The following ZMIZ1 variants were observed in gnomAD, a reference collection of about 807,000 sequenced individuals.
ZMIZ1 encodes the protein zinc finger MIZ domain-containing protein 1.
ZMIZ1 carries 17 observed loss-of-function variants against 113.9 expected under a neutral mutation model. The ratio of observed to expected loss-of-function variants is 0.15; its 90% CI spans 0.10 to 0.22. The LOEUF is 0.22. ZMIZ1 is among the 10% of genes least tolerant of loss of function. The pLI, the probability that ZMIZ1 is intolerant of heterozygous loss-of-function variation, is 1.00. For missense variants in ZMIZ1, 1,059 were observed against 1,477.8 expected, an observed-to-expected ratio of 0.72 and a Z score of 4.65; for synonymous variants, 607 against 603.1, an observed-to-expected ratio of 1.01 and a Z score of -0.09.
intron 7 of ZMIZ1, among the ~76,000 whole-genome samples, chr10:79,261,762 G>A (rs1851285787): frequency 6.6e-6 from 1 of 152,188 alleles, no homozygotes; most frequent in Non-Finnish European, 1.5e-5. Context: ...ACAGTGCCTG[G>A]TCTGAATCAA....
At position 79,205,798 on chromosome 10, in the gene ZMIZ1, G is replaced by C. The variant is rs372520940; in HGVS notation, c.61-2538G>C. On this transcript the variant is annotated intron_variant, in intron 5 of 24. Coordinates refer to ENST00000334512, the MANE Select transcript of ZMIZ1 (RefSeq NM_020338.4). ...GTGACAAGGGCACAGAGAGGGGAGG[G>C]GGCTTGACCAAGGCCAAAGAGCTGC... Among the ~76,000 whole-genome samples the C allele has an allele frequency of 6.6e-5, 10 of 152,132 alleles. No individual in the cohort carries two copies. In the East Asian group the frequency reaches 7.7e-4, roughly 12 times the overall value.
In ZMIZ1 at chr10:79,184,056, C is replaced by T. The variant is rs181630484; in HGVS notation, c.-49-17528C>T. On this transcript the variant is annotated intron_variant, in intron 4 of 24. Coordinates refer to ENST00000334512, the MANE Select transcript of ZMIZ1 (RefSeq NM_020338.4). The stretch of plus-strand genomic sequence containing the variant: ...CAGGAAACGTCGGCCAGCGTTGCCT[C>T]GGTGCCTTGAGGTGGGATACTGGAC... 5.9e-5 allele frequency among the ~76,000 whole-genome samples: 9 copies of T among 152,328 alleles called. No individual in the cohort carries two copies. The East Asian group carries it at 1.4e-3, about 23-fold the overall frequency.
chr10:79,290,034 G>A (rs1431099749), intron 9 of ZMIZ1, 145 bp downstream of exon 9: 46 of 804,772 alleles, frequency 5.7e-5, no homozygotes, highest in South Asian at 1.4e-4. Context: ...CTGTGGACAC[G>A]TCTCCACCCC....
chr10:79,304,607 G>C (rs574666417), intron 19 of ZMIZ1, among the ~76,000 whole-genome samples: 1 of 152,202 alleles, frequency 6.6e-6, no homozygotes, highest in Non-Finnish European at 1.5e-5. Flanking sequence ...TGGGCAGCCC[G>C]GCCTGGAAGA....
intron 3 of ZMIZ1, among the ~76,000 whole-genome samples, chr10:79,143,862 A>C (rs1201059134): frequency 6.6e-6 from 1 of 152,250 alleles, no homozygotes; most frequent in East Asian, 1.9e-4. Context: ...CCGTCTGCAG[A>C]GTGAGTGCGG....
Position 79,315,650 on chromosome 10 carries a change from T to C in ZMIZ1, c.*2901T>C, listed in dbSNP as rs1219686871. The C allele has an allele frequency of 6.5e-6, 1 of 152,800 alleles. No homozygotes were observed. The highest frequency in any genetic ancestry group is 6.5e-5 in the Admixed American group (1 of 15,280). 9.5% of individuals were successfully genotyped at this position (152,800 alleles called of 1,614,324 possible). On this transcript the variant is annotated 3_prime_UTR_variant, in exon 25 of 25. Transcript: ENST00000334512. Reference sequence around the variant, plus strand: ...TTATTTTTTAAGAAACTGCTAATACTTTCTCCCTAATGGAAGCCCTGATCC... The same window carrying C: ...TTATTTTTTAAGAAACTGCTAATACCTTCTCCCTAATGGAAGCCCTGATCC...
chr10:79,222,183 A>G (rs965491758), intron 7 of ZMIZ1, among the ~76,000 whole-genome samples: 30 of 152,068 alleles, frequency 2.0e-4, no homozygotes, highest in African/African-American at 5.8e-4. Context: ...GGACCACTCA[A>G]TGTTTTTTTT....
chr10:79,177,088 C>T (rs1450590043), intron 4 of ZMIZ1, among the ~76,000 whole-genome samples: 1 of 152,238 alleles, frequency 6.6e-6, no homozygotes, highest in Non-Finnish European at 1.5e-5. Context: ...CTTGCTCTCC[C>T]CAGACAGCCG....
chr10:79,193,807 G>A (rs1394677936), intron 4 of ZMIZ1, among the ~76,000 whole-genome samples: 1 of 152,208 alleles, frequency 6.6e-6, no homozygotes, highest in African/African-American at 2.4e-5. Flanking sequence ...AGACATGGAG[G>A]TGCGATCTTC....
chr10:79,190,260 G>A (rs1021127230), intron 4 of ZMIZ1, among the ~76,000 whole-genome samples: 4 of 152,208 alleles, frequency 2.6e-5, no homozygotes, highest in Admixed American at 2.0e-4. Flanking sequence ...CTGACCACAG[G>A]CCTGGCCTGG....
chr10:79,236,721 A>T (rs1849606703), intron 7 of ZMIZ1, among the ~76,000 whole-genome samples: 1 of 151,848 alleles, frequency 6.6e-6, no homozygotes, highest in Non-Finnish European at 1.5e-5. Context: ...GCCACCACAC[A>T]CCCTTAGAGG....
intron 4 of ZMIZ1, among the ~76,000 whole-genome samples, chr10:79,173,587 A>G (rs530749145): frequency 4.0e-4 from 61 of 152,300 alleles, no homozygotes; most frequent in Non-Finnish European, 7.8e-4. Context: ...ACAGACAGAG[A>G]GCAAGGGACC....
intron 1 of ZMIZ1, among the ~76,000 whole-genome samples, chr10:79,085,350 G>A (rs1842776956): frequency 6.6e-6 from 1 of 152,198 alleles, no homozygotes; most frequent in South Asian, 2.1e-4. Flanking sequence ...GGGTCAAGGG[G>A]CCAACATGCC....
rs376090033 is a variant in ZMIZ1, at chr10:79,219,867, GACTA to G, written c.280+3598_280+3601del. On this transcript the variant is annotated intron_variant, in intron 7 of 24. Transcript: ENST00000334512. ...AACCCTTGTCAGTGCCCACAGCCAT[GACTA>G]ACTACCTTTCAGGGCCACCCATCCA... Among the ~76,000 whole-genome samples, 18 of 152,158 alleles carry G rather than the reference GACTA, an allele frequency of 1.2e-4. No individual in the cohort carries two copies. The East Asian group carries it at 2.3e-3, about 20-fold the overall frequency.
At chr10:79,164,695 A>G (rs1422930236) in intron 4 of ZMIZ1, among the ~76,000 whole-genome samples, 2 of 152,118 alleles carry the variant, frequency 1.3e-5, no homozygotes. Flanking sequence ...CTATCTGGAG[A>G]TTTTATGTTA....
At chr10:79,094,966 AAAAG>A (rs1203070074) in intron 1 of ZMIZ1, among the ~76,000 whole-genome samples, 5 of 145,024 alleles carry the variant, frequency 3.4e-5, no homozygotes, top group South Asian at 4.4e-4. Context: ...AAAAAAAAAA[AAAAG>A]AGAGAGAGAG....
chr10:79,127,642 G>A (rs1370393515), intron 2 of ZMIZ1, among the ~76,000 whole-genome samples: 1 of 152,182 alleles, frequency 6.6e-6, no homozygotes, highest in Non-Finnish European at 1.5e-5. Context: ...GACTTGACCA[G>A]GGTCACACGG....
At chr10:79,238,322 A>C (rs1438505957) in intron 7 of ZMIZ1, among the ~76,000 whole-genome samples, 1 of 152,156 alleles carries the variant, frequency 6.6e-6, no homozygotes, top group Admixed American at 6.5e-5. Context: ...CCAAATGCAG[A>C]CTTCTGGGAA....
intron 8 of ZMIZ1, among the ~76,000 whole-genome samples, chr10:79,288,806 A>T (rs1397934001): frequency 6.6e-6 from 1 of 152,166 alleles, no homozygotes; most frequent in African/African-American, 2.4e-5. Context: ...GCATCACTGG[A>T]CACTCACTGT....
Sources: gnomAD v4.1 joint callset for allele counts (sites outside exome capture counted in the v4.1 genomes callset) on GRCh38, gnomAD v4.1.1 for gene constraint, MANE v1.5 for transcripts, NCBI Gene and HGNC (gene_info 2026-07-23, HGNC 2026-07-21) for gene names.